The following TELO2 variants were observed in gnomAD, a reference collection of about 807,000 sequenced individuals.
The protein encoded by TELO2 is telomere length regulation protein TEL2 homolog.
In TELO2, 71 loss-of-function variants were observed where a neutral mutation model predicts 91.0. That is an observed-to-expected ratio of 0.78 (90% confidence interval 0.64 to 0.95). The LOEUF (loss-of-function observed/expected upper bound fraction) is 0.95, where lower values mean the gene tolerates loss of function less well. TELO2 is among the 40% of genes least tolerant of loss of function. TELO2 has a pLI of 0.00. For synonymous variants in TELO2, 584 were observed against 518.9 expected, an observed-to-expected ratio of 1.13 and a Z score of -1.71; for missense variants, 1,183 against 1,141.3, an observed-to-expected ratio of 1.04 and a Z score of -0.53.
chr16:1,507,519 T>TG (rs1228627892), intron 19 of TELO2, 82 bp from the exon 20 acceptor site: 37 of 1,481,014 alleles, frequency 2.5e-5, no homozygotes, highest in Non-Finnish European at 6.4e-6. Flanking sequence ...GGCCGCAGCG[T>TG]GGGTGGTCTG....
Position 1,501,690 on chromosome 16 carries a change from G to GC in TELO2, c.1394dup (p.Ala466CysfsTer21). On this transcript the variant is annotated frameshift_variant, in exon 11 of 21. Transcript: ENST00000262319. LOFTEE classifies it high-confidence loss of function. ...CGTCCCTCGTTCCAGCCACGGCAGA[G>GC]CCCCCTGCAGAGACCCCCGCAGAGA... The GC allele has an allele frequency of 1.2e-6, 2 of 1,611,126 alleles. No individual in the cohort carries two copies. Among genetic ancestry groups the GC allele is most frequent in the Non-Finnish European group, 8.5e-7 (1 of 1,179,054 alleles).
At chr16:1,499,793 G>A (rs913621903) in intron 6 of TELO2, among the ~76,000 whole-genome samples, 17 of 152,248 alleles carry the variant, frequency 1.1e-4, no homozygotes, top group South Asian at 2.1e-4. Context: ...TTGCTCACAC[G>A]AGAACTTAAG....
chr16:1,507,137 G>A (rs1339852735), intron 18 of TELO2, 86 bp downstream of exon 18: 3 of 1,508,400 alleles, frequency 2.0e-6, no homozygotes, highest in Non-Finnish European at 2.7e-6. Flanking sequence ...CCAGGGATGG[G>A]TGTCTGAGGG....
chr16:1,508,025 C>T (rs1208970942), intron 20 of TELO2, among the ~76,000 whole-genome samples: 1 of 150,642 alleles, frequency 6.6e-6, no homozygotes, highest in Non-Finnish European at 1.5e-5. Context: ...CACCCCAGCA[C>T]TGGCCGTTTC....
chr16:1,499,741 G>A (rs1360592480), intron 6 of TELO2, among the ~76,000 whole-genome samples: 1 of 152,146 alleles, frequency 6.6e-6, no homozygotes, highest in African/African-American at 2.4e-5. Context: ...GGGTGAGCCG[G>A]GTCCCCTGAC....
At chr16:1,502,499 G>A (rs780772692) in intron 13 of TELO2, 95 bp downstream of exon 13, 27 of 1,499,618 alleles carry the variant, frequency 1.8e-5, no homozygotes, top group East Asian at 9.1e-5. Flanking sequence ...TATGGCTCCC[G>A]TGTGTGACAG....
rs1019813140 is a variant in TELO2 at position 1,494,835 on chromosome 16, C to T, written c.335+219C>T. Among the ~76,000 whole-genome samples the T allele has an allele frequency of 2.0e-5, 3 of 152,192 alleles. No individual in the cohort carries two copies. The highest frequency in any genetic ancestry group is 2.1e-4 in the South Asian group (1 of 4,838). On this transcript the variant is annotated intron_variant, in intron 2 of 20. Coordinates refer to ENST00000262319, the MANE Select transcript of TELO2 (RefSeq NM_016111.4). This position sits in a 1 kb window ranked among gnomAD's most constrained non-coding sequence, Gnocchi z 5.6. ...CAAAGTCCCCCACTTGCTCCCCGTCCGGCTGTGTCAGAGAGGGATGGGGTG... is the reference window on the plus strand; with the variant it reads ...CAAAGTCCCCCACTTGCTCCCCGTCTGGCTGTGTCAGAGAGGGATGGGGTG...
At position 1,502,317 on chromosome 16, in the gene TELO2, G is replaced by A; in HGVS notation, c.1566G>A (p.Leu522=). Reference sequence around the variant, plus strand: ...GCCTCTCTGGGTTCTGTGCAGCCCTGACCACGTCTGAGGACATAGAGCGCT... The same window carrying A: ...GCCTCTCTGGGTTCTGTGCAGCCCTAACCACGTCTGAGGACATAGAGCGCT... ...PAYVRDCVEA[L]TTSEDIERWE... The change falls in exon 13 of 21, where the codon CTG becomes CTA. Residue 522 remains leucine (L), a synonymous_variant. Transcript: ENST00000262319. 2 of 1,603,862 alleles carry A rather than the reference G, an allele frequency of 1.2e-6. No homozygotes were observed. The highest frequency in any genetic ancestry group is 1.7e-5 in the Admixed American group (1 of 58,728).
At chr16:1,502,025 T>C (rs1399230491) in intron 11 of TELO2, 22 bp from the exon 12 acceptor site, 3 of 1,613,144 alleles carry the variant, frequency 1.9e-6, no homozygotes, top group Non-Finnish European at 2.5e-6. Context: ...GGGCTGCTCA[T>C]GTCTGCTTTG....
Position 1,509,817 on chromosome 16 carries a change from T to C in TELO2, c.2408-13T>C, listed in dbSNP as rs1324785871. ...ACGCTGCCTCAGCTTTGCTTGTCACTCTCGTCTGGCAGACGTGGCTGAGAA... is the reference window on the plus strand; with the variant it reads ...ACGCTGCCTCAGCTTTGCTTGTCACCCTCGTCTGGCAGACGTGGCTGAGAA... On this transcript the variant is annotated splice_polypyrimidine_tract_variant and intron_variant, in intron 20 of 20. Coordinates refer to ENST00000262319, the MANE Select transcript of TELO2 (RefSeq NM_016111.4). 2 of 1,607,166 alleles carry C rather than the reference T, an allele frequency of 1.2e-6. No individual in the cohort carries two copies. The highest frequency in any genetic ancestry group is 3.4e-5 in the Admixed American group (2 of 59,658).
chr16:1,507,760 C>G (rs374250921), intron 20 of TELO2, 44 bp downstream of exon 20: 4 of 1,410,192 alleles, frequency 2.8e-6, no homozygotes, highest in East Asian at 3.2e-5. Flanking sequence ...TGTGTCGGCC[C>G]GGGGTGTGTG....
chr16:1,499,809 G>A (rs898477570), intron 6 of TELO2, among the ~76,000 whole-genome samples: 9 of 152,218 alleles, frequency 5.9e-5, no homozygotes, highest in African/African-American at 1.4e-4. Flanking sequence ...TTAAGATGGC[G>A]AGGCCCTGCC....
chr16:1,507,558 G>T, intron 19 of TELO2, 43 bp from the exon 20 acceptor site: 1 of 1,538,740 alleles, frequency 6.5e-7, no homozygotes, highest in Non-Finnish European at 8.7e-7. Context: ...GAGGTCTGGG[G>T]TGTGGTCCCT....
chr16:1,509,792 A>G, intron 20 of TELO2, 38 bp from the exon 21 acceptor site: 2 of 1,570,926 alleles, frequency 1.3e-6, no homozygotes, highest in African/African-American at 2.7e-5. Context: ...TACGCCCTCC[A>G]CGCTGCCTCA....
intron 17 of TELO2, chr16:1,506,698 G>C (rs2039905597): frequency 7.2e-7 from 1 of 1,384,448 alleles, no homozygotes; most frequent in African/African-American, 1.5e-5. Flanking sequence ...GAAGTGTGGG[G>C]CCTGGGTTGT....
Position 1,502,922 on chromosome 16 carries a change from T to G in TELO2, c.1771-9T>G. On this transcript the variant is annotated splice_polypyrimidine_tract_variant and intron_variant, in intron 14 of 20. Coordinates refer to ENST00000262319, the MANE Select transcript of TELO2 (RefSeq NM_016111.4). ...CCGGACCACAGCAGCCTCTCCCCTG[T>G]GTCCTCAGGTGGCCGACTATCTGAC... 6.2e-7 allele frequency: 1 copy of G among 1,610,562 alleles called. No homozygotes were observed. The highest frequency in any genetic ancestry group is 8.5e-7 in the Non-Finnish European group (1 of 1,179,988).
chr16:1,508,039 C>T (rs1268353126), intron 20 of TELO2, among the ~76,000 whole-genome samples: 3 of 151,862 alleles, frequency 2.0e-5, no homozygotes, highest in Non-Finnish European at 4.4e-5. Context: ...CCGTTTCCCT[C>T]CTTTGGTCCT....
Position 1,507,357 on chromosome 16 carries a change from T to C in TELO2, c.2278T>C (p.Phe760Leu). ...GCTGGAATTCGTGTGGGCCCTTCGCTTCCACATCGATGCGTGAGTGGCCTG... is the reference window on the plus strand; with the variant it reads ...GCTGGAATTCGTGTGGGCCCTTCGCCTCCACATCGATGCGTGAGTGGCCTG... ...ALLEFVWALR[F>L]HIDAYVRQGL... Residue 760 changes from phenylalanine (F) to leucine (L), a missense_variant, in exon 19 of 21, where the codon TTC becomes CTC. Physicochemically the swap from Phe to Leu is conservative, Grantham distance 22 (BLOSUM62 0). Transcript: ENST00000262319. 4 of 1,611,016 alleles carry C rather than the reference T, an allele frequency of 2.5e-6. No individual in the cohort carries two copies. Among genetic ancestry groups the C allele is most frequent in the African/African-American group, 1.3e-5 (1 of 75,030 alleles).
chr16:1,494,313 C>A lies in TELO2; in HGVS notation c.32C>A (p.Ala11Asp), dbSNP rs144863771. ...CCAGCACCCTCAGAGGTTCGACTCG[C>A]CGTCCGGGAAGCCATTCATGCCCTC... is the stretch of plus-strand genomic sequence containing the variant. MEPAPSEVRLAVREAIHALSS... is the reference protein window; with the variant it reads MEPAPSEVRLDVREAIHALSS... The change falls in exon 2 of 21, where the codon GCC (alanine) becomes GAC (aspartate). Residue 11 changes from alanine to aspartate, a missense_variant. By Grantham distance (126) the Ala-to-Asp change is moderately radical. Transcript: ENST00000262319. The surrounding 1 kb of genome is among the most constrained non-coding windows in gnomAD (Gnocchi z 5.6). 1,813 of 1,613,398 alleles carry A rather than the reference C, an allele frequency of 1.1e-3. 12 individuals are homozygous for A. The highest frequency in any genetic ancestry group is 4.0e-3 in the Middle Eastern group (24 of 6,062).
Sources: allele counts gnomAD v4.1 joint callset (sites outside exome capture counted in the v4.1 genomes callset), GRCh38; gene constraint gnomAD v4.1.1; non-coding constraint Gnocchi (gnomAD v3.1); transcripts MANE v1.5; gene names NCBI Gene and HGNC (gene_info 2026-07-23, HGNC 2026-07-21).